MAGI1: variants seen among roughly 807,000 people sequenced by gnomAD.
MAGI1 encodes the protein membrane-associated guanylate kinase, WW and PDZ domain-containing protein 1.
In MAGI1, 58 loss-of-function variants were observed where a neutral mutation model predicts 139.9. The ratio of observed to expected loss-of-function variants is 0.41; its 90% CI spans 0.34 to 0.52. The LOEUF is 0.52. MAGI1 is among the 20% of genes least tolerant of loss of function. The probability of loss-of-function intolerance (pLI) is 0.12; values close to 1 mark genes in which losing one functional copy is unlikely to be tolerated. For synonymous variants in MAGI1, 812 were observed against 737.9 expected (o/e 1.10, Z -1.63); for missense variants, 1,874 against 1,901.6 (o/e 0.99, Z 0.27).
At chr3:65,820,408 G>A (rs568777367) in intron 1 of MAGI1, among the ~76,000 whole-genome samples, 2 of 152,238 alleles carry the variant, frequency 1.3e-5, no homozygotes, top group South Asian at 2.1e-4. Flanking sequence ...CACATGGGCA[G>A]TGTGATCCTC....
rs565428647 is a variant in MAGI1 at position 65,916,936 on chromosome 3, C to T, written c.313+121060G>A. 3.3e-5 allele frequency among the ~76,000 whole-genome samples: 5 copies of T among 152,200 alleles called. No homozygotes were observed. The South Asian group carries it at 6.2e-4, about 19-fold the overall frequency. Reference sequence around the variant, plus strand: ...TTTTAAAATCTTGGATAATCATACACGTAATATATTAATGGTCCAAAAAAG... The same window carrying T: ...TTTTAAAATCTTGGATAATCATACATGTAATATATTAATGGTCCAAAAAAG... On this transcript the variant is annotated intron_variant, in intron 1 of 22. Transcript: ENST00000402939.
chr3:65,860,282 T>C (rs1326535457), intron 1 of MAGI1, among the ~76,000 whole-genome samples: 1 of 152,204 alleles, frequency 6.6e-6, no homozygotes, highest in East Asian at 1.9e-4. Context: ...GGAGCCCTTA[T>C]TCTATTTCGA....
At chr3:65,825,990 AAAT>A (rs1168520350) in intron 1 of MAGI1, among the ~76,000 whole-genome samples, 1 of 152,136 alleles carries the variant, frequency 6.6e-6, no homozygotes, top group African/African-American at 2.4e-5. Context: ...CTGACTCAAA[AAAT>A]AATAATAATA....
At chr3:65,449,791 C>T (rs1386475366) in intron 6 of MAGI1, among the ~76,000 whole-genome samples, 1 of 151,914 alleles carries the variant, frequency 6.6e-6, no homozygotes, top group African/African-American at 2.4e-5. Context: ...CAGAATCAGA[C>T]ATCTCTACTT....
intron 1 of MAGI1, among the ~76,000 whole-genome samples, chr3:65,998,027 C>T (rs749731076): frequency 3.0e-4 from 44 of 148,318 alleles, no homozygotes; most frequent in Non-Finnish European, 4.6e-4. Flanking sequence ...CGCTTGAACC[C>T]GGGAGGCAGA....
chr3:65,687,218 G>C (rs572298528), intron 1 of MAGI1: 2 of 174,676 alleles, frequency 1.1e-5, no homozygotes, highest in African/African-American at 4.8e-5. Flanking sequence ...AACACAGCAA[G>C]ATCCTGTCTC....
Position 66,038,657 on chromosome 3 carries a change from T to A in MAGI1, c.-349A>T. On this transcript the variant is annotated 5_prime_UTR_variant, in exon 1 of 23. In the 5' UTR this introduces an upstream ATG that the reference lacks. Transcript: ENST00000402939. ...TTCCTTCCTTCCTTTCTCTCTTGCCTTTTACAAATGCGGTGCCTCCTCTTT... is the reference window on the plus strand; with the variant it reads ...TTCCTTCCTTCCTTTCTCTCTTGCCATTTACAAATGCGGTGCCTCCTCTTT... The A allele has an allele frequency of 4.5e-6, 1 of 220,448 alleles. No homozygotes were observed. The highest frequency in any genetic ancestry group is 5.5e-5 in the Admixed American group (1 of 18,274). The allele number at this position is 220,448 out of a possible 1,614,324, so 13.7% of individuals were successfully genotyped here.
chr3:65,890,535 C>G (rs943535011), intron 1 of MAGI1, among the ~76,000 whole-genome samples: 38 of 152,178 alleles, frequency 2.5e-4, no homozygotes, highest in Non-Finnish European at 4.6e-4. Context: ...GAACAAGGCC[C>G]AGCACAGATC....
At chr3:65,619,951 C>T (rs2083578077) in intron 2 of MAGI1, 3 of 985,354 alleles carry the variant, frequency 3.0e-6, no homozygotes, top group Non-Finnish European at 3.6e-6. Flanking sequence ...TTTATACCAG[C>T]AAAAACAAAC....
At chr3:65,577,708 T>C (rs972284630) in intron 2 of MAGI1, among the ~76,000 whole-genome samples, 1 of 152,204 alleles carries the variant, frequency 6.6e-6, no homozygotes, top group Non-Finnish European at 1.5e-5. Flanking sequence ...ATGAAGAAGA[T>C]GGCTTACACT....
At chr3:65,719,488 A>G (rs2032735093) in intron 1 of MAGI1, among the ~76,000 whole-genome samples, 2 of 151,976 alleles carry the variant, frequency 1.3e-5, no homozygotes, top group African/African-American at 4.8e-5. Context: ...TTCATCTATA[A>G]CATCATTGTT....
intron 1 of MAGI1, chr3:65,873,683 A>G (rs2060014429): frequency 6.6e-6 from 1 of 152,196 alleles, no homozygotes; most frequent in African/African-American, 2.4e-5. Context: ...AGACCTCTGC[A>G]TATTTGATTT....
chr3:65,878,222 A>G (rs967931637), intron 1 of MAGI1, among the ~76,000 whole-genome samples: 1 of 152,212 alleles, frequency 6.6e-6, no homozygotes, highest in Non-Finnish European at 1.5e-5. Context: ...GTTGGATATA[A>G]GAATGCAGAC....
At chr3:65,423,964 T>C (rs1425769241) in intron 12 of MAGI1, among the ~76,000 whole-genome samples, 2 of 152,226 alleles carry the variant, frequency 1.3e-5, no homozygotes, top group South Asian at 4.1e-4. Flanking sequence ...CAACTCCTTC[T>C]TGTATTTTGT....
intron 1 of MAGI1, among the ~76,000 whole-genome samples, chr3:65,798,900 C>A (rs973544497): frequency 6.6e-6 from 1 of 152,154 alleles, no homozygotes; most frequent in Non-Finnish European, 1.5e-5. Flanking sequence ...ATTTCTACCC[C>A]GTATACCCTC....
At chr3:65,360,358 T>G (rs893006683) in intron 22 of MAGI1, 1 of 979,814 alleles carries the variant, frequency 1.0e-6, no homozygotes, top group African/African-American at 1.8e-5. Context: ...CTTCTTTTTT[T>G]TTTTTTTTTT....
chr3:65,917,773 G>A (rs1390259132), intron 1 of MAGI1, among the ~76,000 whole-genome samples: 1 of 152,196 alleles, frequency 6.6e-6, no homozygotes, highest in African/African-American at 2.4e-5. Flanking sequence ...CAAAAGTTAG[G>A]GGAGTGGGGA....
At position 65,622,090 on chromosome 3, in the gene MAGI1, T is replaced by C; in HGVS notation, c.314-2A>G. The C allele has an allele frequency of 6.3e-7, 1 of 1,599,968 alleles. No homozygotes were observed. The highest frequency in any genetic ancestry group is 8.6e-7 in the Non-Finnish European group (1 of 1,167,164). ...GCAGGTCCTTGTTCAGCCTTCCTCC[T>C]GCAGGAAATACATAAAATAGACATA... On this transcript the variant is annotated splice_acceptor_variant, in intron 1 of 22. Coordinates refer to ENST00000402939, the MANE Select transcript of MAGI1 (RefSeq NM_001033057.2). LOFTEE classifies it high-confidence loss of function.
At chr3:65,509,387 G>A (rs912609976) in intron 2 of MAGI1, among the ~76,000 whole-genome samples, 7 of 152,142 alleles carry the variant, frequency 4.6e-5, no homozygotes, top group Non-Finnish European at 7.4e-5. Context: ...GTTTCCATCT[G>A]AGGTACCGGG....
Sources: allele counts gnomAD v4.1 joint callset (sites outside exome capture counted in the v4.1 genomes callset), GRCh38; gene constraint gnomAD v4.1.1; transcripts MANE v1.5; gene names NCBI Gene and HGNC (gene_info 2026-07-23, HGNC 2026-07-21).